Variants in CFAP68 observed in about 807,000 individuals in gnomAD.
The protein encoded by CFAP68 is cilia- and flagella-associated protein 68.
chr11:111,883,939 T>C, the CFAP68 span: 44 of 1,238,828 alleles, frequency 3.6e-5, no homozygotes, highest in Middle Eastern at 3.8e-4. Flanking sequence ...CACATCCAGG[T>C]TTCTAAGAAA....
At chr11:111,881,568 T>A in the CFAP68 span, 1 of 1,535,966 alleles carries the variant, frequency 6.5e-7, no homozygotes, top group Non-Finnish European at 8.7e-7. Flanking sequence ...TAAGAAATCT[T>A]CAAAGAGCTC....
chr11:111,879,742 T>G, the CFAP68 span: 1 of 978,336 alleles, frequency 1.0e-6, no homozygotes, highest in Non-Finnish European at 1.6e-6. Flanking sequence ...TGCAGTCTGG[T>G]GGGGAATGCA....
At chr11:111,880,312 A>G in the CFAP68 span, among the ~76,000 whole-genome samples, 4 of 152,228 alleles carry the variant, frequency 2.6e-5, no homozygotes, top group Admixed American at 2.6e-4. Flanking sequence ...TATTTATACC[A>G]GAGCAACTCC....
chr11:111,882,677 G>A, the CFAP68 span: 2 of 1,281,050 alleles, frequency 1.6e-6, no homozygotes, highest in Non-Finnish European at 2.1e-6. Context: ...GAAATGCAGG[G>A]ATGTAATAAC....
At chr11:111,883,650 T>C in the CFAP68 span, 1 of 722,632 alleles carries the variant, frequency 1.4e-6, no homozygotes, top group East Asian at 2.6e-5. Context: ...CAGGATTTTT[T>C]CTTCAATTTT....
At chr11:111,879,554 G>C in the CFAP68 span, 6 of 1,614,066 alleles carry the variant, frequency 3.7e-6, no homozygotes, top group South Asian at 1.1e-5. Context: ...TTTTCACCTC[G>C]TCTGAAATGG....
chr11:111,882,423 C>T, the CFAP68 span: 1 of 1,614,092 alleles, frequency 6.2e-7, no homozygotes, highest in African/African-American at 1.3e-5. Flanking sequence ...CTTGTTAATG[C>T]AGATGGCCAT....
the CFAP68 span, chr11:111,885,213 C>T: frequency 6.6e-6 from 1 of 151,158 alleles, no homozygotes; most frequent in African/African-American, 2.4e-5. Context: ...GGCACAGTGG[C>T]TCACACCTAA....
At chr11:111,881,732 AGATT>A in the CFAP68 span, 2 of 1,227,698 alleles carry the variant, frequency 1.6e-6, no homozygotes, top group African/African-American at 1.5e-5. Context: ...TATGCAATCC[AGATT>A]GATTGGGAGA....
the CFAP68 span, chr11:111,881,028 A>G: frequency 5.9e-6 from 2 of 341,530 alleles, no homozygotes; most frequent in South Asian, 5.3e-5. Flanking sequence ...AACTGCAATA[A>G]TGGAGACAAA....
At chr11:111,884,088 T>C in the CFAP68 span, 1 of 429,296 alleles carries the variant, frequency 2.3e-6, no homozygotes, top group Non-Finnish European at 4.1e-6. Context: ...TCTTTATCCC[T>C]TTTTTTGTTG....
the CFAP68 span, chr11:111,881,469 C>G: frequency 3.9e-6 from 6 of 1,535,802 alleles, no homozygotes; most frequent in Middle Eastern, 3.3e-4. Context: ...CTGGGTGATT[C>G]TTTCTTTGCT....
At chr11:111,884,202 G>A in the CFAP68 span, 148 of 202,536 alleles carry the variant, frequency 7.3e-4, no homozygotes, top group Non-Finnish European at 1.2e-3. Context: ...GGCCAGGCAC[G>A]GTGGCTCATG....
the CFAP68 span, chr11:111,885,285 C>T: frequency 6.6e-6 from 1 of 152,248 alleles, no homozygotes; most frequent in Non-Finnish European, 1.5e-5. Context: ...CAAAACCAGC[C>T]TGGGCAACAT....
At chr11:111,884,698 A>G in the CFAP68 span, 2 of 152,172 alleles carry the variant, frequency 1.3e-5, no homozygotes, top group Non-Finnish European at 2.9e-5. Flanking sequence ...TAAAATTATT[A>G]TGGAGAATTT....
At chr11:111,883,646 T>G in the CFAP68 span, 1 of 716,970 alleles carries the variant, frequency 1.4e-6, no homozygotes, top group East Asian at 2.6e-5. Flanking sequence ...TAAACAGGAT[T>G]TTTTCTTCAA....
chr11:111,883,872 A>G, the CFAP68 span: 8 of 1,595,058 alleles, frequency 5.0e-6, no homozygotes, highest in African/African-American at 1.3e-5. Flanking sequence ...TAGCTATTCA[A>G]AGCCTTAAAT....
At chr11:111,882,494 A>AC in the CFAP68 span, 1 of 1,614,174 alleles carries the variant, frequency 6.2e-7, no homozygotes, top group East Asian at 2.2e-5. Flanking sequence ...ATGGCGATGC[A>AC]CCACTAATGA....
the CFAP68 span, chr11:111,883,057 A>C: frequency 9.7e-7 from 1 of 1,033,022 alleles, no homozygotes; most frequent in Non-Finnish European, 1.5e-6. Context: ...GTCCGTGAGA[A>C]TTCATGTCAT....
Sources: gnomAD v4.1 joint callset for allele counts (sites outside exome capture counted in the v4.1 genomes callset) on GRCh38, gnomAD v4.1.1 for gene constraint, MANE v1.5 for transcripts, NCBI Gene and HGNC (gene_info 2026-07-23, HGNC 2026-07-21) for gene names.